Variants in BBX observed in about 807,000 individuals in gnomAD.
BBX encodes BBX high mobility group box domain containing.
In BBX, 30 loss-of-function variants were observed where a neutral mutation model predicts 100.2. That is an observed-to-expected ratio of 0.30 (90% CI 0.22 to 0.41). BBX has a LOEUF of 0.41. Ranked by LOEUF, BBX falls within the 10% of genes least tolerant of loss-of-function variation. The pLI, the probability that BBX is intolerant of heterozygous loss-of-function variation, is 1.00. For missense variants in BBX, 1,023 were observed against 1,129.8 expected, an observed-to-expected ratio of 0.91 and a Z score of 1.35; for synonymous variants, 376 against 388.1, an observed-to-expected ratio of 0.97 and a Z score of 0.37.
At chr3:107,761,815 G>A (rs149691592) in intron 10 of BBX, among the ~76,000 whole-genome samples, 5 of 152,310 alleles carry the variant, frequency 3.3e-5, no homozygotes, top group African/African-American at 1.2e-4. Flanking sequence ...ACAGACGACA[G>A]AGGCAGCCAC....
chr3:107,654,227 TTAAA>T (rs1380926573), intron 3 of BBX, among the ~76,000 whole-genome samples: 1 of 152,206 alleles, frequency 6.6e-6, no homozygotes, highest in Non-Finnish European at 1.5e-5. Context: ...AAGTGAACAT[TTAAA>T]TAAATCATAA....
chr3:107,645,958 G>A, intron 3 of BBX, 49 bp downstream of exon 3: 1 of 152,722 alleles, frequency 6.5e-6, no homozygotes. Context: ...TGGAAGCAGT[G>A]AGGCAGTCAA....
intron 2 of BBX, among the ~76,000 whole-genome samples, chr3:107,583,272 T>C (rs2052419582): frequency 6.6e-6 from 1 of 152,160 alleles, no homozygotes; most frequent in East Asian, 1.9e-4. Context: ...TTAAACTCTT[T>C]AACTTTCAAA....
At chr3:107,638,780 T>TAC (rs61081300) in intron 2 of BBX, among the ~76,000 whole-genome samples, 1,040 of 99,772 alleles carry the variant, frequency 0.01, 21 homozygotes, top group Middle Eastern at 0.016. Context: ...AAAAAAAGTA[T>TAC]ACACACACAC....
intron 2 of BBX, among the ~76,000 whole-genome samples, chr3:107,574,458 A>T (rs945666263): frequency 3.9e-5 from 6 of 152,224 alleles, no homozygotes; most frequent in Non-Finnish European, 7.3e-5. Flanking sequence ...TATCTATTAA[A>T]GTTTAGGCTG....
chr3:107,757,013 T>G (rs928556748), intron 10 of BBX, among the ~76,000 whole-genome samples: 2 of 152,112 alleles, frequency 1.3e-5, no homozygotes, highest in Non-Finnish European at 2.9e-5. Flanking sequence ...GAAAATTTAT[T>G]TGAACGAAGT....
At chr3:107,670,572 A>C (rs905560666) in intron 3 of BBX, among the ~76,000 whole-genome samples, 4 of 152,114 alleles carry the variant, frequency 2.6e-5, no homozygotes, top group African/African-American at 9.7e-5. Context: ...AAATAAAATA[A>C]AAATTTCAAA....
At chr3:107,776,984 T>C (rs2107813336) in intron 12 of BBX, among the ~76,000 whole-genome samples, 1 of 152,290 alleles carries the variant, frequency 6.6e-6, no homozygotes, top group South Asian at 2.1e-4. Flanking sequence ...AGTACAGTAG[T>C]TCCCCCTTAG....
intron 16 of BBX, among the ~76,000 whole-genome samples, chr3:107,799,250 A>G (rs1213322525): frequency 3.3e-5 from 5 of 152,162 alleles, no homozygotes; most frequent in Non-Finnish European, 7.3e-5. Flanking sequence ...CCCCAGCCAC[A>G]TGCAGCCTGC....
chr3:107,556,434 C>G (rs942455541), intron 2 of BBX, among the ~76,000 whole-genome samples: 4 of 152,114 alleles, frequency 2.6e-5, no homozygotes, highest in African/African-American at 9.7e-5. Flanking sequence ...AGCAAACTTT[C>G]AGAGCCCTTC....
chr3:107,734,390 A>G (rs1403756410), intron 7 of BBX, among the ~76,000 whole-genome samples: 2 of 152,180 alleles, frequency 1.3e-5, no homozygotes, highest in Non-Finnish European at 2.9e-5. Flanking sequence ...TTGCATATTC[A>G]TTATTCATCA....
chr3:107,586,956 G>A (rs749472529), intron 2 of BBX, among the ~76,000 whole-genome samples: 7 of 151,992 alleles, frequency 4.6e-5, no homozygotes, highest in Admixed American at 1.3e-4. Context: ...TCACTGTGCT[G>A]GCCAGCCTGA....
At chr3:107,529,411 A>G (rs541637394) in intron 2 of BBX, among the ~76,000 whole-genome samples, 9 of 152,322 alleles carry the variant, frequency 5.9e-5, no homozygotes, top group Non-Finnish European at 1.0e-4. Flanking sequence ...AACAAACTCA[A>G]CTTTACTAAG....
intron 7 of BBX, among the ~76,000 whole-genome samples, chr3:107,742,816 A>T (rs2064222771): frequency 1.3e-5 from 2 of 152,222 alleles, no homozygotes; most frequent in African/African-American, 4.8e-5. Flanking sequence ...AGGAAGTTTT[A>T]TATAAGACCA....
chr3:107,652,953 T>C (rs2057926966), intron 3 of BBX, among the ~76,000 whole-genome samples: 2 of 152,212 alleles, frequency 1.3e-5, no homozygotes, highest in Admixed American at 1.3e-4. Flanking sequence ...TTTGTGCATG[T>C]CTGTATTCCC....
rs959226111 is a variant in BBX at position 107,760,891 on chromosome 3, A to G, written c.906+5213A>G. ...TATTTGAAGATTAAAACTTCAAATAAATATAGATTTCTGACTTCTGAAAAT... is the reference window on the plus strand; with the variant it reads ...TATTTGAAGATTAAAACTTCAAATAGATATAGATTTCTGACTTCTGAAAAT... On this transcript the variant is annotated intron_variant, in intron 10 of 17. Coordinates refer to ENST00000325805, the MANE Select transcript of BBX (RefSeq NM_001142568.3). Among the ~76,000 whole-genome samples the G allele has an allele frequency of 8.5e-5, 13 of 152,308 alleles. No homozygotes were observed. The South Asian group carries it at 1.9e-3, about 22-fold the overall frequency.
At chr3:107,711,186 C>A in intron 4 of BBX, 1 of 380,172 alleles carries the variant, frequency 2.6e-6, no homozygotes. Flanking sequence ...CCACCCAACT[C>A]ATTCAAAGTC....
At chr3:107,692,635 G>A (rs973904956) in intron 3 of BBX, among the ~76,000 whole-genome samples, 22 of 151,606 alleles carry the variant, frequency 1.5e-4, no homozygotes, top group Non-Finnish European at 2.6e-4. Context: ...CTTTGCTATT[G>A]TGAATAGTGC....
intron 2 of BBX, among the ~76,000 whole-genome samples, chr3:107,568,263 C>CTGTTTTT (rs1443493217): frequency 8.2e-6 from 1 of 121,256 alleles, no homozygotes; most frequent in African/African-American, 3.1e-5. Flanking sequence ...CTATTTTCTG[C>CTGTTTTT]TATTTTTTTT....
Sources: gnomAD v4.1 joint callset for allele counts (sites outside exome capture counted in the v4.1 genomes callset) on GRCh38, gnomAD v4.1.1 for gene constraint, MANE v1.5 for transcripts, NCBI Gene and HGNC (gene_info 2026-07-23, HGNC 2026-07-21) for gene names.